Variants in AHI1 observed in about 807,000 individuals in gnomAD.
The protein encoded by AHI1 is jouberin.
AHI1 carries 123 observed loss-of-function variants against 149.3 expected under a neutral mutation model. That is an observed-to-expected ratio of 0.82 (90% CI 0.71 to 0.96). The LOEUF (loss-of-function observed/expected upper bound fraction) is 0.96. Among genes scored for constraint, AHI1 ranks in the 40% least tolerant of loss-of-function variants. AHI1 has a pLI of 0.00. For missense variants in AHI1, 1,439 were observed against 1,422.7 expected (o/e 1.01, Z -0.18); for synonymous variants, 475 against 459.8 (o/e 1.03, Z -0.42).
At chr6:135,330,525 T>C (rs1788403420) in intron 24 of AHI1, among the ~76,000 whole-genome samples, 1 of 152,212 alleles carries the variant, frequency 6.6e-6, no homozygotes, top group African/African-American at 2.4e-5. Flanking sequence ...TTAAACATAG[T>C]TTTCTATGTA....
At chr6:135,382,910 AAAAAAAAAAAAAAAAAAT>A (rs1481323862) in intron 23 of AHI1, among the ~76,000 whole-genome samples, 2 of 101,254 alleles carry the variant, frequency 2.0e-5, no homozygotes, top group African/African-American at 3.8e-5. Context: ...AAAAAAAAAA[AAAAAAAAAAAAAAAAAAT>A]ATATATATAT....
rs938786973 is a variant in AHI1, at chr6:135,466,114, A to G, written c.449T>C (p.Val150Ala). 1.2e-6 allele frequency: 2 copies of G among 1,613,876 alleles called. No homozygotes were observed. Among genetic ancestry groups the G allele is most frequent in the Admixed American group, 3.3e-5 (2 of 60,000 alleles). ...ATGTGTTTTCTGGTGTGTAGAATCAACCTTATTCTCAGGAGTTTCCGGTTT... is the reference window on the plus strand; with the variant it reads ...ATGTGTTTTCTGGTGTGTAGAATCAGCCTTATTCTCAGGAGTTTCCGGTTT... ...DLKPETPENK[V>A]DSTHQKTHTK... Residue 150 changes from valine to alanine, a missense_variant, in exon 7 of 29, where the codon GTT (valine) becomes GCT (alanine). Val to Ala is a moderately conservative substitution (Grantham distance 64). Transcript: ENST00000265602.
intron 24 of AHI1, among the ~76,000 whole-genome samples, chr6:135,349,908 C>A (rs1262845141): frequency 1.3e-5 from 2 of 152,194 alleles, no homozygotes; most frequent in African/African-American, 2.4e-5. Context: ...TTGTCAAATG[C>A]TAAAACCCAG....
chr6:135,359,414 T>A (rs1189284030), intron 23 of AHI1, among the ~76,000 whole-genome samples: 2 of 152,206 alleles, frequency 1.3e-5, no homozygotes, highest in Non-Finnish European at 1.5e-5. Flanking sequence ...CAGAGTTTCA[T>A]CTTAAGTGTA....
At chr6:135,386,883 G>A (rs1453048975) in intron 23 of AHI1, among the ~76,000 whole-genome samples, 6 of 151,940 alleles carry the variant, frequency 3.9e-5, no homozygotes, top group Non-Finnish European at 5.9e-5. Flanking sequence ...GGCCCACCTC[G>A]GCCTCCCAAG....
intron 23 of AHI1, among the ~76,000 whole-genome samples, chr6:135,367,761 A>C (rs1271795096): frequency 6.6e-6 from 1 of 151,676 alleles, no homozygotes; most frequent in Admixed American, 6.6e-5. Flanking sequence ...ATCCTGTATC[A>C]TTTAAAAAAT....
chr6:135,378,505 T>C (rs1255435078), intron 23 of AHI1, among the ~76,000 whole-genome samples: 4 of 152,342 alleles, frequency 2.6e-5, no homozygotes, highest in African/African-American at 7.2e-5. Context: ...ACATGCTCTA[T>C]ATATTCTATC....
intron 5 of AHI1, among the ~76,000 whole-genome samples, chr6:135,481,910 A>G (rs1234612690): frequency 6.6e-6 from 1 of 150,600 alleles, no homozygotes; most frequent in Non-Finnish European, 1.5e-5. Context: ...ATATTGTTCC[A>G]TTGTCTTTTA....
At chr6:135,407,315 G>T (rs939328178) in intron 21 of AHI1, among the ~76,000 whole-genome samples, 2 of 152,148 alleles carry the variant, frequency 1.3e-5, no homozygotes, top group Admixed American at 1.3e-4. Flanking sequence ...GAAATAAATG[G>T]CAAGAAACGA....
chr6:135,386,601 T>C (rs1777626314), intron 23 of AHI1, among the ~76,000 whole-genome samples: 1 of 151,886 alleles, frequency 6.6e-6, no homozygotes, highest in East Asian at 1.9e-4. Flanking sequence ...TGAGCCACCG[T>C]GCCTGGCCTA....
At chr6:135,411,586 A>G in intron 20 of AHI1, 42 bp from the exon 21 acceptor site, 1 of 1,458,952 alleles carries the variant, frequency 6.9e-7, no homozygotes, top group East Asian at 2.3e-5. Flanking sequence ...ATCATAGCAA[A>G]AGCATAATCA....
chr6:135,490,521 T>C, intron 5 of AHI1, 102 bp downstream of exon 5: 1 of 1,409,614 alleles, frequency 7.1e-7, no homozygotes. Context: ...GTGTTACTGT[T>C]TTTAATTTTC....
intron 24 of AHI1, among the ~76,000 whole-genome samples, chr6:135,357,720 CT>C (rs1295208600): frequency 6.6e-6 from 1 of 152,132 alleles, no homozygotes; most frequent in Non-Finnish European, 1.5e-5. Flanking sequence ...ATTAATACAA[CT>C]TTTTAAATAT....
rs537447554 is a variant in AHI1, at chr6:135,493,246, G to A, written c.-54-955C>T. Among the ~76,000 whole-genome samples, 8 of 152,240 alleles carry A rather than the reference G, an allele frequency of 5.3e-5. No individual in the cohort carries two copies. In the South Asian group the frequency reaches 8.3e-4, roughly 16 times the overall value. ...ACTCCTGACCTCATATGATCTGCCC[G>A]ACTCAGCCTCCCAAAGTGTTGGGAT... On this transcript the variant is annotated intron_variant, in intron 3 of 28. Transcript: ENST00000265602.
intron 23 of AHI1, among the ~76,000 whole-genome samples, chr6:135,368,685 C>T (rs1336327098): frequency 6.6e-6 from 1 of 152,140 alleles, no homozygotes; most frequent in Non-Finnish European, 1.5e-5. Flanking sequence ...GAAGGAAAGG[C>T]AGTAGTTACA....
rs536933597 is a variant in AHI1, at chr6:135,389,106, C to T, written c.3109+5670G>A. On this transcript the variant is annotated intron_variant, in intron 23 of 28. Transcript: ENST00000265602. The stretch of plus-strand genomic sequence containing the variant: ...TGGGCGGATCACGAGGTCAGGATAT[C>T]GAGACCATCCTGGCTAACATGGTGA... Among the ~76,000 whole-genome samples, 12 of 151,924 alleles carry T rather than the reference C, an allele frequency of 7.9e-5. No individual in the cohort carries two copies. In the South Asian group the frequency reaches 1.9e-3, roughly 24 times the overall value.
rs558016512 is a variant in AHI1, at chr6:135,363,758, G to A, written c.3110-5571C>T. ...CACTTCCCGGACGGGGCAGCTGGCC[G>A]GGCGGGGGTTGACCCCCCCACCTCC... On this transcript the variant is annotated intron_variant, in intron 23 of 28. Coordinates refer to ENST00000265602, the MANE Select transcript of AHI1 (RefSeq NM_001134831.2). Among the ~76,000 whole-genome samples the A allele has an allele frequency of 4.0e-3, 568 of 142,740 alleles. 15 individuals carry two copies. Among genetic ancestry groups the A allele is most frequent in the Admixed American group, 0.038 (550 of 14,462 alleles). 93.6% of individuals were successfully genotyped at this position (142,740 alleles called of 152,430 possible). A position where few individuals can be genotyped will look rare whatever the true frequency, so the allele number is the denominator to read the frequency against.
At chr6:135,405,018 C>A in intron 21 of AHI1, 41 bp from the exon 22 acceptor site, 1 of 1,524,598 alleles carries the variant, frequency 6.6e-7, no homozygotes, top group South Asian at 1.1e-5. Flanking sequence ...TTCATAATTT[C>A]ATTAAATATT....
In AHI1 at chr6:135,394,901, A is replaced by G. The variant is rs768712546; in HGVS notation, c.2989-5T>C. On this transcript the variant is annotated splice_region_variant and splice_polypyrimidine_tract_variant and intron_variant, in intron 22 of 28. Coordinates refer to ENST00000265602, the MANE Select transcript of AHI1 (RefSeq NM_001134831.2). ...AAATGAGAGATTTTTGTTGACCTGT[A>G]TTAGGAAAACAAATCAGAAACTACA... The G allele has an allele frequency of 6.3e-7, 1 of 1,590,724 alleles. No individual in the cohort carries two copies. The highest frequency in any genetic ancestry group is 8.6e-7 in the Non-Finnish European group (1 of 1,167,108).
Sources: allele counts gnomAD v4.1 joint callset (sites outside exome capture counted in the v4.1 genomes callset), GRCh38; gene constraint gnomAD v4.1.1; transcripts MANE v1.5; gene names NCBI Gene and HGNC (gene_info 2026-07-23, HGNC 2026-07-21).